SLC35F3: variants seen among roughly 807,000 people sequenced by gnomAD.
SLC35F3 encodes the protein putative thiamine transporter SLC35F3.
In SLC35F3, 25 loss-of-function variants were observed where a neutral mutation model predicts 49.9. The ratio of observed to expected loss-of-function variants is 0.50; its 90% confidence interval spans 0.37 to 0.70. The LOEUF (loss-of-function observed/expected upper bound fraction) is 0.70. Among genes scored for constraint, SLC35F3 ranks in the 30% least tolerant of loss-of-function variants. SLC35F3 has a pLI of 0.00. For synonymous variants in SLC35F3, 275 were observed against 265.4 expected, an observed-to-expected ratio of 1.04 and a Z score of -0.35; for missense variants, 525 against 639.8, an observed-to-expected ratio of 0.82 and a Z score of 1.94.
chr1:234,087,182 C>G (rs147144166), intron 2 of SLC35F3, among the ~76,000 whole-genome samples: 1 of 152,296 alleles, frequency 6.6e-6, no homozygotes, highest in East Asian at 1.9e-4. Flanking sequence ...CCATGCTCAT[C>G]TAGGGATGGG....
intron 2 of SLC35F3, among the ~76,000 whole-genome samples, chr1:234,119,832 G>C (rs751910090): frequency 6.6e-6 from 1 of 152,156 alleles, no homozygotes; most frequent in Non-Finnish European, 1.5e-5. Context: ...CTTCCATCAC[G>C]CAGCAATATG....
At chr1:234,136,959 A>T (rs929301718) in intron 2 of SLC35F3, among the ~76,000 whole-genome samples, 3 of 152,238 alleles carry the variant, frequency 2.0e-5, no homozygotes, top group Non-Finnish European at 4.4e-5. Flanking sequence ...AACCTTCTTC[A>T]GCATTCATTC....
chr1:234,125,151 A>G (rs1665628588), intron 2 of SLC35F3, among the ~76,000 whole-genome samples: 1 of 152,130 alleles, frequency 6.6e-6, no homozygotes, highest in Non-Finnish European at 1.5e-5. Flanking sequence ...CACAGTGTCA[A>G]GTGATGAGAC....
In SLC35F3 at chr1:234,237,696, T is replaced by G. The variant is rs905042523; in HGVS notation, c.608+5955T>G. Reference sequence around the variant, plus strand: ...AGGGCCCCTCATCCTAGGAGAGAGATAGTGCTTCATTCGTTCCACAAAATC... The same window carrying G: ...AGGGCCCCTCATCCTAGGAGAGAGAGAGTGCTTCATTCGTTCCACAAAATC... On this transcript the variant is annotated intron_variant, in intron 3 of 7. Transcript: ENST00000366618. Among the ~76,000 whole-genome samples the G allele has an allele frequency of 5.3e-5, 8 of 152,274 alleles. No homozygotes were observed. The East Asian group carries it at 1.5e-3, about 29-fold the overall frequency.
intron 2 of SLC35F3, among the ~76,000 whole-genome samples, chr1:234,118,136 C>T (rs1015876137): frequency 6.6e-6 from 1 of 151,898 alleles, no homozygotes; most frequent in Non-Finnish European, 1.5e-5. Context: ...ATCTAGACTT[C>T]GGAAGACAAA....
intron 3 of SLC35F3, chr1:234,272,240 T>C (rs918689148): frequency 1.3e-5 from 2 of 152,228 alleles, no homozygotes; most frequent in African/African-American, 2.4e-5. Context: ...CCGTGTATAC[T>C]TTCCAGGGTA....
Position 234,054,920 on chromosome 1 carries a change from T to C in SLC35F3, c.283+149162T>C, listed in dbSNP as rs572246183. On this transcript the variant is annotated intron_variant, in intron 2 of 7. Coordinates refer to ENST00000366618, the MANE Select transcript of SLC35F3 (RefSeq NM_173508.4). ...TTTGCTGGAGGTCCACTCCAGATGC[T>C]GTTTGCCTGAGTATCACCAGCGGAG... 3.9e-3 allele frequency among the ~76,000 whole-genome samples: 600 copies of C among 152,352 alleles called. 3 individuals are homozygous for C. Among genetic ancestry groups the C allele is most frequent in the Middle Eastern group, 6.8e-3 (2 of 294 alleles).
intron 2 of SLC35F3, among the ~76,000 whole-genome samples, chr1:234,129,028 G>A (rs1665693935): frequency 6.6e-6 from 1 of 152,214 alleles, no homozygotes; most frequent in Non-Finnish European, 1.5e-5. Flanking sequence ...AGCACTAGAA[G>A]AGATTGATTT....
chr1:234,002,533 G>A (rs189091525), intron 2 of SLC35F3, among the ~76,000 whole-genome samples: 16 of 152,174 alleles, frequency 1.1e-4, no homozygotes, highest in African/African-American at 3.1e-4. Context: ...GTTAGGGTTT[G>A]GGGAGAAAGA....
chr1:234,187,336 A>C (rs1306313037), intron 2 of SLC35F3, among the ~76,000 whole-genome samples: 1 of 152,228 alleles, frequency 6.6e-6, no homozygotes, highest in Admixed American at 6.5e-5. Context: ...ATGGGGAAGA[A>C]GAGAGGATCC....
chr1:234,194,266 T>TA (rs898581071), intron 2 of SLC35F3, among the ~76,000 whole-genome samples: 1 of 152,128 alleles, frequency 6.6e-6, no homozygotes, highest in African/African-American at 2.4e-5. Flanking sequence ...TACTCAGCCA[T>TA]AAAAAGGAAA....
intron 2 of SLC35F3, among the ~76,000 whole-genome samples, chr1:234,151,627 A>G (rs919040081): frequency 6.6e-6 from 1 of 152,112 alleles, no homozygotes; most frequent in African/African-American, 2.4e-5. Context: ...AGATTAAACT[A>G]GAAGAAACTC....
chr1:234,316,088 C>G (rs916124764), intron 4 of SLC35F3, among the ~76,000 whole-genome samples: 1 of 152,244 alleles, frequency 6.6e-6, no homozygotes, highest in Admixed American at 6.5e-5. Flanking sequence ...AGGTGACATT[C>G]TGTCAGGCCC....
intron 3 of SLC35F3, among the ~76,000 whole-genome samples, chr1:234,278,840 G>A (rs980864766): frequency 6.6e-6 from 1 of 152,058 alleles, no homozygotes; most frequent in Non-Finnish European, 1.5e-5. Flanking sequence ...GGGCCCCAAC[G>A]CCATGACCTC....
chr1:234,226,920 A>G lies in SLC35F3; in HGVS notation c.284-4497A>G, dbSNP rs1667293477. ...CCATGCCATGGAGTATATAAAGTGC[A>G]CAAAAGAACACTCCCCCTGCACTGG... On this transcript the variant is annotated intron_variant, in intron 2 of 7. Transcript: ENST00000366618. 2.0e-5 allele frequency among the ~76,000 whole-genome samples: 3 copies of G among 151,768 alleles called. No individual in the cohort carries two copies. The South Asian group carries it at 6.2e-4, about 32-fold the overall frequency.
At chr1:234,109,061 C>G (rs1389639090) in intron 2 of SLC35F3, among the ~76,000 whole-genome samples, 1 of 151,980 alleles carries the variant, frequency 6.6e-6, no homozygotes, top group Non-Finnish European at 1.5e-5. Flanking sequence ...CTCTGACCAT[C>G]CTGATAGGCA....
chr1:234,238,205 C>T (rs1357546849), intron 3 of SLC35F3, among the ~76,000 whole-genome samples: 3 of 152,218 alleles, frequency 2.0e-5, no homozygotes, highest in Admixed American at 2.0e-4. Flanking sequence ...ATTATGCATA[C>T]ACATCCTCAT....
rs181659923 is a variant in SLC35F3, at chr1:234,313,088, G to A, written c.829-3514G>A. ...GACAGAGTCTCACCATGTTGCCCAG[G>A]CTGGTCTTGAACTTGTGGGCCCAAG... On this transcript the variant is annotated intron_variant, in intron 4 of 7. Coordinates refer to ENST00000366618, the MANE Select transcript of SLC35F3 (RefSeq NM_173508.4). Among the ~76,000 whole-genome samples, 422 of 152,176 alleles carry A rather than the reference G, an allele frequency of 2.8e-3. 2 individuals are homozygous for A. The highest frequency in any genetic ancestry group is 9.7e-3 in the African/African-American group (402 of 41,516).
chr1:233,962,552 A>C (rs1275355125), intron 2 of SLC35F3, among the ~76,000 whole-genome samples: 1 of 152,250 alleles, frequency 6.6e-6, no homozygotes, highest in Non-Finnish European at 1.5e-5. Context: ...AGTTCATAAT[A>C]AAATGAATCA....
Sources: gnomAD v4.1 joint callset for allele counts (sites outside exome capture counted in the v4.1 genomes callset) on GRCh38, gnomAD v4.1.1 for gene constraint, MANE v1.5 for transcripts, NCBI Gene and HGNC (gene_info 2026-07-23, HGNC 2026-07-21) for gene names.